Variants in ALDH1A2 observed in about 807,000 individuals in gnomAD.
ALDH1A2 encodes the protein aldehyde dehydrogenase 1 family member A2, also known as retinal dehydrogenase 2.
A neutral mutation model predicts 60.3 loss-of-function variants in ALDH1A2; 27 were observed. The ratio of observed to expected loss-of-function variants is 0.45; its 90% CI spans 0.33 to 0.62. The LOEUF (loss-of-function observed/expected upper bound fraction) is 0.62, where lower values mean the gene tolerates loss of function less well. Among genes scored for constraint, ALDH1A2 ranks in the 20% least tolerant of loss-of-function variants. The pLI is 0.02. For synonymous variants in ALDH1A2, 289 were observed against 232.4 expected, an observed-to-expected ratio of 1.24 and a Z score of -2.21; for missense variants, 581 against 643.8, an observed-to-expected ratio of 0.90 and a Z score of 1.06.
intron 12 of ALDH1A2, among the ~76,000 whole-genome samples, chr15:57,958,214 G>GCACACACACACGCACGCACACACACACA (rs1555398332): frequency 6.6e-6 from 1 of 151,700 alleles, no homozygotes; most frequent in African/African-American, 2.4e-5. Flanking sequence ...GTACACGCAC[G>GCACACACACACGCACGCACACACACACA]CACACACACA....
intron 7 of ALDH1A2, among the ~76,000 whole-genome samples, chr15:57,979,296 AT>A (rs1894395089): frequency 6.6e-6 from 1 of 151,956 alleles, no homozygotes; most frequent in Admixed American, 6.6e-5. Context: ...AAAAAAATGT[AT>A]TTTTCTTTTG....
intron 3 of ALDH1A2, among the ~76,000 whole-genome samples, chr15:58,012,542 G>A (rs1456715760): frequency 6.6e-6 from 1 of 152,164 alleles, no homozygotes; most frequent in Non-Finnish European, 1.5e-5. Context: ...AATATGCCCA[G>A]TGTCTTGTGA....
intron 12 of ALDH1A2, among the ~76,000 whole-genome samples, chr15:57,956,539 C>T (rs962287453): frequency 5.3e-5 from 8 of 152,108 alleles, no homozygotes; most frequent in African/African-American, 1.4e-4. Context: ...CAACAGAGGG[C>T]GGCCAAGGAG....
intron 1 of ALDH1A2, among the ~76,000 whole-genome samples, chr15:58,050,076 T>C: frequency 6.6e-6 from 1 of 152,046 alleles, no homozygotes; most frequent in East Asian, 1.9e-4. Flanking sequence ...GCACCCAGCT[T>C]ATCTCAATGT....
At chr15:58,023,193 GA>G (rs1194161443) in intron 1 of ALDH1A2, among the ~76,000 whole-genome samples, 8 of 151,818 alleles carry the variant, frequency 5.3e-5, no homozygotes, top group East Asian at 1.9e-4. Flanking sequence ...TCATTGAAGG[GA>G]AAAAAATGCA....
chr15:57,977,850 T>C lies in ALDH1A2; in HGVS notation c.799-12023A>G, dbSNP rs574875160. Among the ~76,000 whole-genome samples the C allele has an allele frequency of 2.6e-5, 4 of 152,332 alleles. No homozygotes were observed. In the South Asian group the frequency reaches 8.3e-4, roughly 32 times the overall value. ...ACCATGAGTATGGAATGTTTTTCCA[T>C]TTATTGTGTCCTCTCATTTCCTTGA... On this transcript the variant is annotated intron_variant, in intron 7 of 12. Coordinates refer to ENST00000249750, the MANE Select transcript of ALDH1A2 (RefSeq NM_003888.4).
intron 12 of ALDH1A2, among the ~76,000 whole-genome samples, chr15:57,955,837 CATCTCTTCTCTAT>C (rs373169875): frequency 9.2e-5 from 14 of 152,332 alleles, no homozygotes; most frequent in African/African-American, 3.4e-4. Context: ...TTCTCCTCCA[CATCTCTTCTCTAT>C]TCTCCTGTTC....
In ALDH1A2 at chr15:57,962,041, T is replaced by C; in HGVS notation, c.1222A>G (p.Thr408Ala). ...TCCTTGGCAATCCGCATATCATCAGTGACGTTGGAAAACACTGTGGGCTCA... is the reference window on the plus strand; with the variant it reads ...TCCTTGGCAATCCGCATATCATCAGCGACGTTGGAAAACACTGTGGGCTCA... The part of the protein sequence containing the change: ...FIEPTVFSNV[T>A]DDMRIAKEEI... Residue 408 changes from threonine (T) to alanine (A), a missense_variant, in exon 10 of 13, where the codon ACT becomes GCT. Physicochemically the swap from Thr to Ala is moderately conservative, Grantham distance 58. Coordinates refer to ENST00000249750, the MANE Select transcript of ALDH1A2 (RefSeq NM_003888.4). 6.2e-7 allele frequency: 1 copy of C among 1,614,144 alleles called. No individual in the cohort carries two copies. The highest frequency in any genetic ancestry group is 8.5e-7 in the Non-Finnish European group (1 of 1,180,006).
chr15:58,000,159 G>A (rs768846764), intron 4 of ALDH1A2, among the ~76,000 whole-genome samples: 17 of 151,910 alleles, frequency 1.1e-4, no homozygotes, highest in African/African-American at 1.2e-4. Context: ...CATGGCACAC[G>A]TTTACCTGTG....
intron 1 of ALDH1A2, among the ~76,000 whole-genome samples, chr15:58,041,959 A>C (rs1744107163): frequency 6.6e-6 from 1 of 151,930 alleles, no homozygotes; most frequent in South Asian, 2.1e-4. Context: ...ATGTCTCTCA[A>C]AATATCTTAC....
chr15:58,043,374 C>G lies in ALDH1A2; in HGVS notation c.117+22160G>C, dbSNP rs986521065. Among the ~76,000 whole-genome samples the G allele has an allele frequency of 5.9e-5, 9 of 152,070 alleles. No individual in the cohort carries two copies. In the South Asian group the frequency reaches 1.9e-3, roughly 32 times the overall value. On this transcript the variant is annotated intron_variant, in intron 1 of 12. Coordinates refer to ENST00000249750, the MANE Select transcript of ALDH1A2 (RefSeq NM_003888.4). ...CCTTGAGTTCTAATATTCTGTACAT[C>G]TGGGTTAGTGGATATAGAACACATG...
At chr15:57,966,398 C>G (rs1369886499) in intron 7 of ALDH1A2, among the ~76,000 whole-genome samples, 2 of 152,160 alleles carry the variant, frequency 1.3e-5, no homozygotes, top group Admixed American at 6.5e-5. Flanking sequence ...TATCTTGAAT[C>G]CAAGTAAACA....
At chr15:58,014,393 A>G in intron 1 of ALDH1A2, 112 bp from the exon 2 acceptor site, 2 of 870,942 alleles carry the variant, frequency 2.3e-6, no homozygotes, top group Non-Finnish European at 3.8e-6. Context: ...TAATAAAAGT[A>G]TACAATTTGA....
intron 7 of ALDH1A2, among the ~76,000 whole-genome samples, chr15:57,988,820 T>C (rs1282823047): frequency 3.3e-5 from 5 of 152,188 alleles, no homozygotes; most frequent in African/African-American, 1.2e-4. Context: ...CTATGTGGCT[T>C]CTTGTCTGGC....
chr15:57,983,018 TTCCCA>T (rs1322552005), intron 7 of ALDH1A2, among the ~76,000 whole-genome samples: 1 of 152,194 alleles, frequency 6.6e-6, no homozygotes, highest in Non-Finnish European at 1.5e-5. Flanking sequence ...TGTTTTTATT[TTCCCA>T]TCTCTATAAG....
intron 1 of ALDH1A2, among the ~76,000 whole-genome samples, chr15:58,063,056 A>T (rs542525224): frequency 1.3e-5 from 2 of 152,194 alleles, no homozygotes; most frequent in African/African-American, 2.4e-5. Flanking sequence ...AAGTTGGAGC[A>T]AAAATACAGA....
chr15:57,981,668 T>C (rs57771776), intron 7 of ALDH1A2, among the ~76,000 whole-genome samples: 214 of 152,252 alleles, frequency 1.4e-3, no homozygotes, highest in African/African-American at 4.9e-3. Flanking sequence ...TGATCCATGA[T>C]TTGTGGATCA....
At chr15:57,996,851 C>T (rs1895081707) in intron 4 of ALDH1A2, among the ~76,000 whole-genome samples, 1 of 151,998 alleles carries the variant, frequency 6.6e-6, no homozygotes, top group South Asian at 2.1e-4. Context: ...AATCTGATAG[C>T]TGGAAAACTG....
intron 10 of ALDH1A2, among the ~76,000 whole-genome samples, chr15:57,961,605 C>T (rs540483696): frequency 1.7e-4 from 26 of 152,190 alleles, no homozygotes; most frequent in African/African-American, 3.9e-4. Context: ...TGCTCCAGAA[C>T]GGAATGCTCT....
Sources: gnomAD v4.1 joint callset for allele counts (sites outside exome capture counted in the v4.1 genomes callset) on GRCh38, gnomAD v4.1.1 for gene constraint, MANE v1.5 for transcripts, NCBI Gene and HGNC (gene_info 2026-07-23, HGNC 2026-07-21) for gene names.